PTPRG: variants seen among roughly 807,000 people sequenced by gnomAD.
PTPRG encodes protein tyrosine phosphatase receptor type G, also known as receptor-type tyrosine-protein phosphatase gamma.
PTPRG carries 102 observed loss-of-function variants against 165.3 expected under a neutral mutation model. The ratio of observed to expected loss-of-function variants is 0.62; its 90% CI spans 0.53 to 0.73. The LOEUF is 0.73. Among genes scored for constraint, PTPRG ranks in the 30% least tolerant of loss-of-function variants. PTPRG has a pLI of 0.00. For missense variants in PTPRG, 1,866 were observed against 1,861.4 expected (o/e 1.00, Z -0.05); for synonymous variants, 675 against 669.5 (o/e 1.01, Z -0.13).
intron 2 of PTPRG, among the ~76,000 whole-genome samples, chr3:61,844,871 G>C (rs1194982330): frequency 6.6e-6 from 1 of 152,024 alleles, no homozygotes. Flanking sequence ...GACTTTAAAG[G>C]GACATTGAAT....
At chr3:61,982,614 A>C (rs186699261) in intron 2 of PTPRG, among the ~76,000 whole-genome samples, 24 of 152,160 alleles carry the variant, frequency 1.6e-4, no homozygotes, top group African/African-American at 5.5e-4. Context: ...TTGAGCCTTT[A>C]CTCAGCCTAG....
intron 4 of PTPRG, among the ~76,000 whole-genome samples, chr3:62,015,315 C>G (rs2041516169): frequency 6.6e-6 from 1 of 152,040 alleles, no homozygotes; most frequent in Non-Finnish European, 1.5e-5. Context: ...GCTGAAACAG[C>G]AGGAGAAAGG....
intron 1 of PTPRG, among the ~76,000 whole-genome samples, chr3:61,577,481 T>C (rs1700195387): frequency 6.6e-6 from 1 of 152,188 alleles, no homozygotes; most frequent in Non-Finnish European, 1.5e-5. Flanking sequence ...GTGTAAAATA[T>C]ACACCAGATT....
intron 2 of PTPRG, among the ~76,000 whole-genome samples, chr3:61,763,244 G>T (rs1420154846): frequency 7.5e-5 from 11 of 146,550 alleles, no homozygotes; most frequent in Non-Finnish European, 1.7e-4. Context: ...ATTTTCAGGT[G>T]TTTTTTTTTT....
chr3:62,012,771 C>G (rs922573519), intron 4 of PTPRG, among the ~76,000 whole-genome samples: 25 of 152,028 alleles, frequency 1.6e-4, no homozygotes, highest in African/African-American at 6.0e-4. Context: ...TTGGGATGCT[C>G]AATCTGTATC....
intron 2 of PTPRG, among the ~76,000 whole-genome samples, chr3:61,988,888 T>G (rs1240189122): frequency 6.6e-6 from 1 of 152,226 alleles, no homozygotes; most frequent in Non-Finnish European, 1.5e-5. Context: ...TATACCTGAT[T>G]GGTACCTATT....
intron 1 of PTPRG, among the ~76,000 whole-genome samples, chr3:61,738,313 C>CGTGT (rs2032830477): frequency 1.3e-5 from 1 of 76,202 alleles, no homozygotes; most frequent in African/African-American, 5.1e-5. Flanking sequence ...TATATATATA[C>CGTGT]ATATATATAT....
intron 2 of PTPRG, among the ~76,000 whole-genome samples, chr3:61,846,539 G>A (rs904279108): frequency 6.6e-6 from 1 of 152,164 alleles, no homozygotes. Flanking sequence ...TTGGGTAACT[G>A]GTGGCACCAG....
intron 4 of PTPRG, among the ~76,000 whole-genome samples, chr3:62,072,808 C>T (rs1167753751): frequency 1.3e-5 from 2 of 152,038 alleles, no homozygotes; most frequent in Non-Finnish European, 2.9e-5. Context: ...CTTAAAGAAT[C>T]AAACCCAAAG....
chr3:62,124,186 A>G (rs1703193913), intron 5 of PTPRG: 5 of 792,402 alleles, frequency 6.3e-6, no homozygotes, highest in Non-Finnish European at 1.1e-5. Flanking sequence ...GCAAAGAAAA[A>G]AAAGAAGTCA....
chr3:62,159,882 G>A (rs1704681387), intron 7 of PTPRG, among the ~76,000 whole-genome samples: 1 of 152,168 alleles, frequency 6.6e-6, no homozygotes, highest in Non-Finnish European at 1.5e-5. Flanking sequence ...GCTTTGTGGA[G>A]GTCACAGCTG....
At chr3:61,824,480 GCTGC>G (rs1028160266) in intron 2 of PTPRG, among the ~76,000 whole-genome samples, 7 of 152,172 alleles carry the variant, frequency 4.6e-5, no homozygotes, top group African/African-American at 1.7e-4. Context: ...GAAAACCATA[GCTGC>G]AATTTAATTC....
intron 15 of PTPRG, among the ~76,000 whole-genome samples, chr3:62,253,072 G>T (rs1213736089): frequency 6.6e-6 from 1 of 152,128 alleles, no homozygotes; most frequent in African/African-American, 2.4e-5. Context: ...CATTAGCTTG[G>T]ATATTACAGT....
intron 4 of PTPRG, among the ~76,000 whole-genome samples, chr3:62,060,005 T>C (rs2106685280): frequency 6.6e-6 from 1 of 152,098 alleles, no homozygotes; most frequent in South Asian, 2.1e-4. Context: ...CAGTCTTGGA[T>C]ATGTCTTTAT....
chr3:61,730,226 G>A (rs1371015325), intron 1 of PTPRG, among the ~76,000 whole-genome samples: 1 of 151,468 alleles, frequency 6.6e-6, no homozygotes, highest in East Asian at 2.0e-4. Flanking sequence ...ACCAACTGTT[G>A]CAGCTACAGT....
intron 4 of PTPRG, among the ~76,000 whole-genome samples, chr3:62,071,140 C>T (rs1437151398): frequency 6.6e-6 from 1 of 152,062 alleles, no homozygotes; most frequent in African/African-American, 2.4e-5. Flanking sequence ...CCAGCAGTAT[C>T]CTGGAAATGT....
At chr3:62,102,860 C>T (rs1702338841) in intron 5 of PTPRG, among the ~76,000 whole-genome samples, 1 of 150,482 alleles carries the variant, frequency 6.6e-6, no homozygotes. Flanking sequence ...AGGGCACCTA[C>T]CAGTAATTTC....
chr3:61,684,093 A>C (rs1473034238), intron 1 of PTPRG, among the ~76,000 whole-genome samples: 1 of 152,220 alleles, frequency 6.6e-6, no homozygotes, highest in Non-Finnish European at 1.5e-5. Flanking sequence ...TCCGTTTGCC[A>C]CTGTTGTCTC....
intron 4 of PTPRG, among the ~76,000 whole-genome samples, chr3:62,047,480 T>C (rs1425649329): frequency 1.3e-5 from 2 of 152,152 alleles, no homozygotes; most frequent in Non-Finnish European, 1.5e-5. Flanking sequence ...CAGGTTAGTG[T>C]CGATCTCCTG....
Sources: gnomAD v4.1 joint callset for allele counts (sites outside exome capture counted in the v4.1 genomes callset) on GRCh38, gnomAD v4.1.1 for gene constraint, MANE v1.5 for transcripts, NCBI Gene and HGNC (gene_info 2026-07-23, HGNC 2026-07-21) for gene names.